The following NRG3 variants were observed in gnomAD, a reference collection of about 807,000 sequenced individuals.
The protein encoded by NRG3 is neuregulin 3.
Under a neutral mutation model 66.9 loss-of-function variants are expected in NRG3, and 31 were observed. That is an observed-to-expected ratio of 0.46 (90% CI 0.35 to 0.63). The LOEUF is 0.63. Ranked by LOEUF, NRG3 falls within the 20% of genes least tolerant of loss-of-function variation. The pLI, the probability that NRG3 is intolerant of heterozygous loss-of-function variation, is 0.00. For synonymous variants in NRG3, 393 were observed against 359.4 expected, an observed-to-expected ratio of 1.09 and a Z score of -1.06; for missense variants, 910 against 878.9, an observed-to-expected ratio of 1.04 and a Z score of -0.45.
At chr10:82,366,645 T>G (rs2084543693) in intron 2 of NRG3, among the ~76,000 whole-genome samples, 1 of 152,186 alleles carries the variant, frequency 6.6e-6, no homozygotes, top group Non-Finnish European at 1.5e-5. Context: ...TGCAATTTTG[T>G]GACACAATAC....
At chr10:81,882,425 G>A (rs1323455915) in intron 1 of NRG3, among the ~76,000 whole-genome samples, 1 of 152,082 alleles carries the variant, frequency 6.6e-6, no homozygotes, top group Non-Finnish European at 1.5e-5. Flanking sequence ...GTCTGTGTAT[G>A]ATACATATAT....
chr10:82,880,738 A>T (rs796354370), intron 4 of NRG3, among the ~76,000 whole-genome samples: 2 of 152,372 alleles, frequency 1.3e-5, no homozygotes, highest in South Asian at 4.1e-4. Flanking sequence ...GGACACCCAC[A>T]TAAATTTAAA....
chr10:82,912,568 A>G (rs959777220), intron 4 of NRG3, among the ~76,000 whole-genome samples: 4 of 152,162 alleles, frequency 2.6e-5, no homozygotes, highest in African/African-American at 9.6e-5. Context: ...TTTCCTAAAG[A>G]CAATATATAC....
chr10:82,349,327 T>G (rs1409622047), intron 1 of NRG3, among the ~76,000 whole-genome samples: 1 of 152,008 alleles, frequency 6.6e-6, no homozygotes, highest in Non-Finnish European at 1.5e-5. Flanking sequence ...CCCTGCCTTG[T>G]GAGATGTCAG....
At chr10:81,899,398 T>A (rs554428330) in intron 1 of NRG3, among the ~76,000 whole-genome samples, 4 of 152,254 alleles carry the variant, frequency 2.6e-5, no homozygotes, top group Non-Finnish European at 5.9e-5. Context: ...TTATGCTGAT[T>A]GAAATGCTGA....
intron 4 of NRG3, among the ~76,000 whole-genome samples, chr10:82,920,019 G>A (rs1846269147): frequency 6.6e-6 from 1 of 152,044 alleles, no homozygotes; most frequent in Non-Finnish European, 1.5e-5. Context: ...TCCAGTTTCT[G>A]ATTCAACATG....
At chr10:82,775,738 G>A (rs1333393395) in intron 3 of NRG3, among the ~76,000 whole-genome samples, 1 of 151,930 alleles carries the variant, frequency 6.6e-6, no homozygotes, top group Non-Finnish European at 1.5e-5. Flanking sequence ...TTGAAAGTGA[G>A]GTATTGAAGT....
At chr10:82,949,883 C>A (rs1319668182) in intron 4 of NRG3, among the ~76,000 whole-genome samples, 4 of 151,264 alleles carry the variant, frequency 2.6e-5, no homozygotes, top group Admixed American at 1.3e-4. Context: ...AAAAAAAAAA[C>A]CAAAAAGATC....
chr10:82,823,450 T>C (rs896819108), intron 3 of NRG3, among the ~76,000 whole-genome samples: 3 of 152,190 alleles, frequency 2.0e-5, no homozygotes, highest in African/African-American at 7.2e-5. Flanking sequence ...GACACTAGAA[T>C]GTGACAGTGA....
At chr10:82,162,502 A>G (rs1564621946) in intron 1 of NRG3, among the ~76,000 whole-genome samples, 1 of 152,122 alleles carries the variant, frequency 6.6e-6, no homozygotes, top group African/African-American at 2.4e-5. Context: ...TAACATTGTC[A>G]TCATCTCATT....
intron 2 of NRG3, among the ~76,000 whole-genome samples, chr10:82,672,954 T>C (rs2053403044): frequency 6.6e-6 from 1 of 152,234 alleles, no homozygotes; most frequent in Non-Finnish European, 1.5e-5. Flanking sequence ...TTTTACCATG[T>C]TGGCCAGGCT....
intron 2 of NRG3, among the ~76,000 whole-genome samples, chr10:82,683,259 G>A (rs547785598): frequency 9.9e-5 from 15 of 152,044 alleles, no homozygotes; most frequent in African/African-American, 3.1e-4. Context: ...CCGGCCTCAT[G>A]TTTTAATTTT....
chr10:82,593,919 A>G lies in NRG3; in HGVS notation c.954-144658A>G, dbSNP rs2047126974. 2.6e-5 allele frequency among the ~76,000 whole-genome samples: 4 copies of G among 152,134 alleles called. No individual in the cohort carries two copies. The South Asian group carries it at 8.3e-4, about 32-fold the overall frequency. On this transcript the variant is annotated intron_variant, in intron 2 of 8. Transcript: ENST00000372141. ...AAAAGTTGTAGACATTTCATTTACA[A>G]GTCATTTTAGACCTTTAAAAGAATA...
chr10:82,688,523 G>A (rs1391996555), intron 2 of NRG3, among the ~76,000 whole-genome samples: 1 of 151,910 alleles, frequency 6.6e-6, no homozygotes, highest in Non-Finnish European at 1.5e-5. Flanking sequence ...AATATTTTGG[G>A]GATTTTAATG....
intron 6 of NRG3, among the ~76,000 whole-genome samples, chr10:82,966,924 G>T (rs1342714168): frequency 6.7e-6 from 1 of 150,318 alleles, no homozygotes; most frequent in Admixed American, 6.6e-5. Context: ...AGTTTTCAGG[G>T]TTTTTTTTTG....
intron 1 of NRG3, among the ~76,000 whole-genome samples, chr10:82,246,384 T>C (rs1450338140): frequency 6.6e-6 from 1 of 152,186 alleles, no homozygotes; most frequent in African/African-American, 2.4e-5. Context: ...TTATAACATG[T>C]TTTTGAATTT....
Position 82,527,641 on chromosome 10 carries a change from C to A in NRG3, c.953+168773C>A, listed in dbSNP as rs548325389. ...GCCAAAAGGGAGTCTCCAGTTTTAC[C>A]TGACTGCCTTAAGAGCCTTGGAGGA... On this transcript the variant is annotated intron_variant, in intron 2 of 8. Transcript: ENST00000372141. 2.6e-5 allele frequency among the ~76,000 whole-genome samples: 4 copies of A among 152,268 alleles called. No individual in the cohort carries two copies. In the South Asian group the frequency reaches 6.2e-4, roughly 24 times the overall value.
intron 1 of NRG3, among the ~76,000 whole-genome samples, chr10:82,254,146 T>C (rs1463393878): frequency 6.6e-6 from 1 of 152,214 alleles, no homozygotes; most frequent in Non-Finnish European, 1.5e-5. Flanking sequence ...TATTTACATA[T>C]GTACTTATAT....
chr10:82,439,957 T>G (rs2136427037), intron 2 of NRG3, among the ~76,000 whole-genome samples: 1 of 152,168 alleles, frequency 6.6e-6, no homozygotes, highest in African/African-American at 2.4e-5. Flanking sequence ...TTGTTTTAGG[T>G]TTCATAAAAT....
Sources: gnomAD v4.1 joint callset for allele counts (sites outside exome capture counted in the v4.1 genomes callset) on GRCh38, gnomAD v4.1.1 for gene constraint, MANE v1.5 for transcripts, NCBI Gene and HGNC (gene_info 2026-07-23, HGNC 2026-07-21) for gene names.